Variants in RNF17 observed in about 807,000 individuals in gnomAD.
RNF17 encodes spermatogenesis associated 23.
In RNF17, 31 loss-of-function variants were observed where a neutral mutation model predicts 200.5. The observed-to-expected ratio is 0.15, with a 90% confidence interval of 0.12 to 0.21. The LOEUF (loss-of-function observed/expected upper bound fraction) is 0.21, where lower values mean the gene tolerates loss of function less well. Ranked by LOEUF, RNF17 falls within the 10% of genes least tolerant of loss-of-function variation. RNF17 has a pLI of 1.00. For synonymous variants in RNF17, 606 were observed against 637.8 expected, an observed-to-expected ratio of 0.95 and a Z score of 0.75; for missense variants, 1,628 against 1,905.1, an observed-to-expected ratio of 0.85 and a Z score of 2.71.
intron 35 of RNF17, 97 bp downstream of exon 35, chr13:24,879,392 CAAAG>C (rs1163413245): frequency 2.6e-6 from 2 of 769,498 alleles, no homozygotes; most frequent in African/African-American, 1.7e-5. Flanking sequence ...CTTGATTTCT[CAAAG>C]GAATGACAGC....
the RNF17 span, chr13:24,752,274 C>A: frequency 5.7e-6 from 1 of 176,290 alleles, no homozygotes; most frequent in South Asian, 1.5e-4. Context: ...ATTTTCAGTT[C>A]ACCAGGAGAG....
chr13:24,868,659 G>T lies in RNF17; in HGVS notation c.4221G>T (p.Leu1407=). 6.2e-7 allele frequency: 1 copy of T among 1,610,778 alleles called. No individual in the cohort carries two copies. Residue 1407 remains leucine (L), a synonymous_variant, in exon 31 of 36, where the codon CTG becomes CTT. Coordinates refer to ENST00000255324, the MANE Select transcript of RNF17 (RefSeq NM_031277.3). ...PLLPPYLSSS[L]PSPGELYAVQ... is the part of the protein sequence containing the mutation. ...TACCACCATATTTGTCTTCATCTCTGCCTTCCCCAGGAGAACTCTATGCTG... is the reference window on the plus strand; with the variant it reads ...TACCACCATATTTGTCTTCATCTCTTCCTTCCCCAGGAGAACTCTATGCTG...
intron 3 of RNF17, among the ~76,000 whole-genome samples, chr13:24,775,361 C>T (rs1881412826): frequency 6.6e-6 from 1 of 152,194 alleles, no homozygotes; most frequent in Admixed American, 6.5e-5. Context: ...GCTAGCCTCT[C>T]ACCTCAGCCT....
intron 15 of RNF17, among the ~76,000 whole-genome samples, chr13:24,824,684 G>A (rs1374940304): frequency 6.6e-6 from 1 of 152,188 alleles, no homozygotes; most frequent in South Asian, 2.1e-4. Flanking sequence ...TTGATTTAAG[G>A]AAGAATTATC....
intron 18 of RNF17, among the ~76,000 whole-genome samples, chr13:24,837,094 C>A (rs1033470581): frequency 6.6e-6 from 1 of 152,092 alleles, no homozygotes; most frequent in Non-Finnish European, 1.5e-5. Flanking sequence ...TCAGACAAAA[C>A]AAACTTAAAG....
At chr13:24,773,420 A>G (rs960471896) in intron 2 of RNF17, among the ~76,000 whole-genome samples, 2 of 152,214 alleles carry the variant, frequency 1.3e-5, no homozygotes, top group Admixed American at 1.3e-4. Flanking sequence ...GATGCAGCTG[A>G]AGGCCATTAT....
intron 22 of RNF17, among the ~76,000 whole-genome samples, chr13:24,849,011 G>A (rs1295165410): frequency 2.0e-5 from 3 of 152,118 alleles, no homozygotes; most frequent in Admixed American, 6.5e-5. Flanking sequence ...ACCCATATAA[G>A]CCATGTTACT....
intron 22 of RNF17, among the ~76,000 whole-genome samples, chr13:24,849,189 C>CCTGGTTGAGCTAGCCCAA (rs1593424650): frequency 6.6e-6 from 1 of 152,168 alleles, no homozygotes; most frequent in East Asian, 1.9e-4. Context: ...TAATTGTTTA[C>CCTGGTTGAGCTAGCCCAA]TCAGTTAATG....
At chr13:24,778,477 C>T in intron 4 of RNF17, 71 bp downstream of exon 4, 1 of 933,616 alleles carries the variant, frequency 1.1e-6, no homozygotes, top group Non-Finnish European at 1.7e-6. Flanking sequence ...GCTCAACTTT[C>T]TTCTCCTATA....
chr13:24,844,188 C>T (rs1190003588), intron 20 of RNF17, among the ~76,000 whole-genome samples: 2 of 152,062 alleles, frequency 1.3e-5, no homozygotes, highest in African/African-American at 4.8e-5. Context: ...TGAGCACCTA[C>T]TATATGATAA....
chr13:24,809,266 A>G (rs1275072168), intron 15 of RNF17, among the ~76,000 whole-genome samples: 1 of 150,764 alleles, frequency 6.6e-6, no homozygotes, highest in Non-Finnish European at 1.5e-5. Context: ...CTGTGAATCC[A>G]TCTGGTCCTG....
intron 17 of RNF17, among the ~76,000 whole-genome samples, chr13:24,831,545 A>G (rs1593372779): frequency 6.6e-6 from 1 of 152,242 alleles, no homozygotes; most frequent in African/African-American, 2.4e-5. Context: ...TTCAGCAGTT[A>G]TAGAATCAGA....
chr13:24,881,841 TATAG>T (rs773971162), downstream of RNF17, among the ~76,000 whole-genome samples: 1,844 of 138,866 alleles, frequency 0.013, 4 homozygotes, highest in Non-Finnish European at 0.02. Flanking sequence ...TATATAGATA[TATAG>T]ATACATCTAT....
At chr13:24,884,110 ATT>A (rs538255846), downstream of RNF17, 185 of 1,605,588 alleles carry the variant, frequency 1.2e-4, 1 homozygote, top group Admixed American at 1.3e-3. Context: ...TACAGTAAAT[ATT>A]TTTTGAAGGA....
chr13:24,876,245 T>A (rs1245738088), intron 33 of RNF17, among the ~76,000 whole-genome samples: 3 of 152,244 alleles, frequency 2.0e-5, no homozygotes, highest in South Asian at 2.1e-4. Context: ...TTACATTTTT[T>A]ATTTTCATCT....
chr13:24,853,490 A>T (rs534716571), intron 24 of RNF17, among the ~76,000 whole-genome samples: 14 of 152,210 alleles, frequency 9.2e-5, no homozygotes, highest in Middle Eastern at 3.4e-3. Context: ...GTATTTTTGG[A>T]TGCTAATAGC....
chr13:24,849,768 G>A (rs1447796640), intron 22 of RNF17, among the ~76,000 whole-genome samples: 1 of 152,198 alleles, frequency 6.6e-6, no homozygotes, highest in African/African-American at 2.4e-5. Context: ...AAAAAATTTT[G>A]TTGAATCAGT....
chr13:24,865,007 A>G lies in RNF17; in HGVS notation c.4101+9A>G, dbSNP rs1893473163. On this transcript the variant is annotated intron_variant, in intron 29 of 35. Transcript: ENST00000255324. Reference sequence around the variant, plus strand: ...AGGAGATGTTGAAAGAAGTAAGTGCACTATTTTTCTATAAAAATCTAAAGT... The same window carrying G: ...AGGAGATGTTGAAAGAAGTAAGTGCGCTATTTTTCTATAAAAATCTAAAGT... 1 of 1,537,474 alleles carries G rather than the reference A, an allele frequency of 6.5e-7. No individual in the cohort carries two copies. The highest frequency in any genetic ancestry group is 8.8e-7 in the Non-Finnish European group (1 of 1,139,948).
chr13:24,796,355 G>A lies in RNF17; in HGVS notation c.1399+60G>A, dbSNP rs9581181. 200 of 1,192,840 alleles carry A rather than the reference G, an allele frequency of 1.7e-4. 2 individuals carry two copies. The African/African-American group carries it at 2.9e-3, about 17-fold the overall frequency. The allele number at this position is 1,192,840 out of a possible 1,614,324, so 73.9% of individuals were successfully genotyped here. A position where few individuals can be genotyped will look rare whatever the true frequency, so the allele number is the denominator to read the frequency against. ...TTTATTTAAATAATATAATAACTTG[G>A]CCAACCCACATAAGACTTGTTATAA... On this transcript the variant is annotated intron_variant, in intron 11 of 35. Transcript: ENST00000255324.
Sources: gnomAD v4.1 joint callset for allele counts (sites outside exome capture counted in the v4.1 genomes callset) on GRCh38, gnomAD v4.1.1 for gene constraint, MANE v1.5 for transcripts, NCBI Gene and HGNC (gene_info 2026-07-23, HGNC 2026-07-21) for gene names.